PDE4B: variants seen among roughly 807,000 people sequenced by gnomAD.
The protein encoded by PDE4B is phosphodiesterase 4B.
In PDE4B, 20 loss-of-function variants were observed where a neutral mutation model predicts 82.2. The ratio of observed to expected loss-of-function variants is 0.24; its 90% CI spans 0.17 to 0.35. The LOEUF (loss-of-function observed/expected upper bound fraction) is 0.35, where lower values mean the gene tolerates loss of function less well. PDE4B is among the 10% of genes least tolerant of loss of function. The probability of loss-of-function intolerance (pLI) is 1.00; values close to 1 mark genes in which losing one functional copy is unlikely to be tolerated. For missense variants in PDE4B, 655 were observed against 907.2 expected, an observed-to-expected ratio of 0.72 and a Z score of 3.57; for synonymous variants, 320 against 318.9, an observed-to-expected ratio of 1.00 and a Z score of -0.04.
chr1:66,225,662 C>T (rs75447185), intron 3 of PDE4B, among the ~76,000 whole-genome samples: 3,055 of 152,322 alleles, frequency 0.02, 50 homozygotes, highest in Non-Finnish European at 0.031. Context: ...TACCTGGGCC[C>T]AGTAACCAGG....
chr1:66,113,531 T>C (rs1392609512), intron 3 of PDE4B, among the ~76,000 whole-genome samples: 3 of 152,164 alleles, frequency 2.0e-5, no homozygotes, highest in African/African-American at 7.2e-5. Flanking sequence ...ATACAGCTGC[T>C]CTAAGAGAGT....
intron 3 of PDE4B, among the ~76,000 whole-genome samples, chr1:66,012,305 G>A (rs1028885315): frequency 1.3e-5 from 2 of 152,102 alleles, no homozygotes; most frequent in African/African-American, 4.8e-5. Context: ...GGCGTTTAAT[G>A]TTTCCATCTG....
intron 3 of PDE4B, among the ~76,000 whole-genome samples, chr1:66,102,104 T>C (rs1469158611): frequency 6.6e-6 from 1 of 152,122 alleles, no homozygotes; most frequent in Non-Finnish European, 1.5e-5. Flanking sequence ...TTTCCCCATT[T>C]CTTGTTTTTG....
At chr1:66,177,324 AT>A (rs1478727133) in intron 3 of PDE4B, among the ~76,000 whole-genome samples, 9 of 152,330 alleles carry the variant, frequency 5.9e-5, no homozygotes, top group African/African-American at 1.9e-4. Flanking sequence ...TAATTAATAT[AT>A]GCCAAATGGT....
intron 7 of PDE4B, among the ~76,000 whole-genome samples, chr1:66,290,856 A>G (rs1657021413): frequency 1.3e-5 from 2 of 152,212 alleles, no homozygotes; most frequent in South Asian, 4.1e-4. Flanking sequence ...CCATGAAAGA[A>G]TAATATCTAG....
intron 1 of PDE4B, among the ~76,000 whole-genome samples, chr1:65,899,793 C>T (rs1646951162): frequency 6.6e-6 from 1 of 151,900 alleles, no homozygotes; most frequent in Non-Finnish European, 1.5e-5. Flanking sequence ...GAAAACCAAA[C>T]ATCATACGTT....
chr1:65,875,952 T>TAA (rs34676619), intron 1 of PDE4B, among the ~76,000 whole-genome samples: 2 of 148,694 alleles, frequency 1.3e-5, no homozygotes, highest in African/African-American at 5.0e-5. Context: ...AAAGTATAAT[T>TAA]AAAAAAAAAA....
chr1:66,173,652 G>A (rs1331833471), intron 3 of PDE4B, among the ~76,000 whole-genome samples: 1 of 152,220 alleles, frequency 6.6e-6, no homozygotes, highest in Non-Finnish European at 1.5e-5. Context: ...TGAAGGCTTG[G>A]AAGCCTGCCT....
At chr1:66,167,028 T>C (rs1453949209) in intron 3 of PDE4B, among the ~76,000 whole-genome samples, 1 of 152,206 alleles carries the variant, frequency 6.6e-6, no homozygotes, top group African/African-American at 2.4e-5. Context: ...CTAGGATGGC[T>C]ATGGTCAATA....
At chr1:66,347,386 T>A (rs1381270030) in intron 8 of PDE4B, among the ~76,000 whole-genome samples, 1 of 152,202 alleles carries the variant, frequency 6.6e-6, no homozygotes, top group Non-Finnish European at 1.5e-5. Context: ...TCTTTTATAG[T>A]TTTAGTTAAT....
At chr1:66,036,962 G>A (rs561446878) in intron 3 of PDE4B, among the ~76,000 whole-genome samples, 13 of 151,844 alleles carry the variant, frequency 8.6e-5, no homozygotes, top group East Asian at 1.9e-4. Flanking sequence ...GTGAAACCCC[G>A]TCTCTACTAA....
intron 3 of PDE4B, among the ~76,000 whole-genome samples, chr1:66,114,516 G>A (rs189714178): frequency 2.6e-5 from 4 of 151,966 alleles, no homozygotes; most frequent in African/African-American, 4.8e-5. Context: ...AAAAAATAAC[G>A]TAACTTATAT....
chr1:66,023,544 C>T (rs1294252593), intron 3 of PDE4B, among the ~76,000 whole-genome samples: 1 of 152,124 alleles, frequency 6.6e-6, no homozygotes, highest in Non-Finnish European at 1.5e-5. Flanking sequence ...AAGTGAAAAG[C>T]TCCATGCAAT....
At chr1:66,199,092 G>A (rs1447649028) in intron 3 of PDE4B, among the ~76,000 whole-genome samples, 3 of 151,676 alleles carry the variant, frequency 2.0e-5, no homozygotes, top group African/African-American at 7.3e-5. Context: ...TGTCTTTATA[G>A]CAGCATGATT....
intron 3 of PDE4B, among the ~76,000 whole-genome samples, chr1:65,991,881 T>C (rs568493911): frequency 1.3e-5 from 2 of 152,332 alleles, no homozygotes; most frequent in South Asian, 4.1e-4. Flanking sequence ...GTGCTTTAAC[T>C]GAGAGTATTC....
chr1:65,974,914 G>A (rs1203586625), intron 3 of PDE4B, among the ~76,000 whole-genome samples: 1 of 152,082 alleles, frequency 6.6e-6, no homozygotes, highest in East Asian at 1.9e-4. Flanking sequence ...GTTTATAGCA[G>A]CATAAGAACA....
chr1:66,368,975 T>C lies in PDE4B; in HGVS notation c.1845+6T>C, dbSNP rs1008839216. The C allele has an allele frequency of 1.9e-6, 3 of 1,592,968 alleles. No homozygotes were observed. In the Admixed American group the frequency reaches 5.2e-5, roughly 28 times the overall value. Reference sequence around the variant, plus strand: ...CTTCTGTGGAAAAATCCCAGGTATCTAATATGAGATTTTCAAAGTTTTTGT... The same window carrying C: ...CTTCTGTGGAAAAATCCCAGGTATCCAATATGAGATTTTCAAAGTTTTTGT... On this transcript the variant is annotated splice_donor_region_variant and intron_variant, in intron 16 of 16. Coordinates refer to ENST00000341517, the MANE Select transcript of PDE4B (RefSeq NM_002600.4).
intron 3 of PDE4B, among the ~76,000 whole-genome samples, chr1:65,923,734 T>C (rs1647339631): frequency 6.6e-6 from 1 of 152,180 alleles, no homozygotes; most frequent in South Asian, 2.1e-4. Flanking sequence ...CTAATTGTCT[T>C]TCTTATAGAT....
intron 3 of PDE4B, among the ~76,000 whole-genome samples, chr1:66,046,817 C>A (rs899123804): frequency 2.6e-5 from 4 of 151,926 alleles, no homozygotes; most frequent in South Asian, 2.1e-4. Context: ...GCTATTCACT[C>A]TTTTAGTGCC....
Sources: allele counts gnomAD v4.1 joint callset (sites outside exome capture counted in the v4.1 genomes callset), GRCh38; gene constraint gnomAD v4.1.1; transcripts MANE v1.5; gene names NCBI Gene and HGNC (gene_info 2026-07-23, HGNC 2026-07-21).